Variants in HS6ST2 observed in about 807,000 individuals in gnomAD.
The protein encoded by HS6ST2 is heparan sulfate 6-O-sulfotransferase 2, also known as heparan-sulfate 6-O-sulfotransferase 2.
In HS6ST2, 17 loss-of-function variants were observed where a neutral mutation model predicts 33.0. The ratio of observed to expected loss-of-function variants is 0.52; its 90% CI spans 0.35 to 0.77. The LOEUF is 0.77. HS6ST2 is among the 30% of genes least tolerant of loss of function. The probability of loss-of-function intolerance (pLI) is 0.01; values close to 1 mark genes in which losing one functional copy is unlikely to be tolerated. For missense variants in HS6ST2, 519 were observed against 551.7 expected (o/e 0.94, Z 0.59); for synonymous variants, 248 against 237.1 (o/e 1.05, Z -0.42).
intron 2 of HS6ST2, among the ~76,000 whole-genome samples, chrX:132,883,392 C>T (rs1213958115): frequency 1.8e-5 from 2 of 111,244 alleles, no homozygotes; most frequent in Non-Finnish European, 3.8e-5. Context: ...TCCATTTCTT[C>T]TAGATTTTTG....
intron 3 of HS6ST2, among the ~76,000 whole-genome samples, chrX:132,703,882 T>C (rs1408124980): frequency 8.9e-6 from 1 of 112,010 alleles, no homozygotes; most frequent in Non-Finnish European, 1.9e-5. Context: ...ATTTGTGACA[T>C]GTTGCAGATA....
intron 2 of HS6ST2, among the ~76,000 whole-genome samples, chrX:132,878,864 G>T (rs907157802): frequency 2.7e-5 from 3 of 110,768 alleles, no homozygotes; most frequent in African/African-American, 9.9e-5. Context: ...CGCTTCCCTG[G>T]CACCCTGAGC....
At chrX:132,882,107 G>A (rs2066182989) in intron 2 of HS6ST2, among the ~76,000 whole-genome samples, 2 of 111,497 alleles carry the variant, frequency 1.8e-5, no homozygotes, top group African/African-American at 3.3e-5. Context: ...TGGCGATGCA[G>A]GCTCTTTTTT....
Position 132,839,294 on chromosome X carries a change from A to ACACATATGTATG in HS6ST2, c.947+117513_947+117514insCATACATATGTG, listed in dbSNP as rs2065681866. 1.3e-4 allele frequency among the ~76,000 whole-genome samples: 6 copies of ACACATATGTATG among 44,545 alleles called. No homozygotes were observed. The South Asian group carries it at 4.4e-3, about 33-fold the overall frequency. The allele number at this position is 44,545 out of a possible 115,157, so 38.7% of individuals were successfully genotyped here. ...TGTGTATATATATATATATATATAT[A>ACACATATGTATG]TATATATATATATATATATATACAC... On this transcript the variant is annotated intron_variant, in intron 2 of 4. Coordinates refer to ENST00000370833, the MANE Select transcript of HS6ST2 (RefSeq NM_001394073.1).
At chrX:132,884,385 T>C (rs1210405663) in intron 2 of HS6ST2, among the ~76,000 whole-genome samples, 1 of 112,128 alleles carries the variant, frequency 8.9e-6, no homozygotes, top group Admixed American at 9.5e-5. Context: ...GATGTTATGA[T>C]GTTTTGAGTG....
chrX:132,675,912 C>A (rs2063921100), intron 3 of HS6ST2, among the ~76,000 whole-genome samples: 1 of 110,869 alleles, frequency 9.0e-6, no homozygotes, highest in Non-Finnish European at 1.9e-5. Flanking sequence ...CTCTTAGCAT[C>A]CTTGGTTTTG....
In HS6ST2 at chrX:132,958,578, G is replaced by C. The variant is rs777570717; in HGVS notation, c.25C>G (p.Arg9Gly). 5.1e-6 allele frequency: 6 copies of C among 1,180,217 alleles called. No individual in the cohort carries two copies. Among genetic ancestry groups the C allele is most frequent in the Admixed American group, 2.3e-5 (1 of 42,655 alleles). The stretch of plus-strand genomic sequence containing the variant: ...GGTTGCCGCGGCGGCTCGAACTCCC[G>C]GACTGCACACGCAGGCAGTGCCATT... The part of the protein sequence containing the change: MALPACAV[R>G]EFEPPRQPER... Residue 9 changes from arginine to glycine, a missense_variant, in exon 1 of 5, where the codon CGG (arginine) becomes GGG (glycine). Arg to Gly is a moderately radical substitution (Grantham distance 125, BLOSUM62 -2). Transcript: ENST00000370833.
At chrX:132,729,658 CAGTT>C (rs1198685310) in intron 2 of HS6ST2, among the ~76,000 whole-genome samples, 1 of 111,529 alleles carries the variant, frequency 9.0e-6, no homozygotes, top group Non-Finnish European at 1.9e-5. Context: ...CAATGCCACT[CAGTT>C]ATTTTTTTTT....
intron 2 of HS6ST2, among the ~76,000 whole-genome samples, chrX:132,941,976 T>A: frequency 8.9e-6 from 1 of 111,868 alleles, no homozygotes; most frequent in Non-Finnish European, 1.9e-5. Flanking sequence ...TCATAAATCT[T>A]ATAGTGTGTT....
At chrX:132,637,885 T>A (rs1405955889) in intron 4 of HS6ST2, among the ~76,000 whole-genome samples, 1 of 57,333 alleles carries the variant, frequency 1.7e-5, no homozygotes, top group Non-Finnish European at 2.7e-5. Flanking sequence ...AATATATATA[T>A]AATATTTTAT....
At chrX:132,877,384 G>A (rs1448135551) in intron 2 of HS6ST2, among the ~76,000 whole-genome samples, 2 of 112,199 alleles carry the variant, frequency 1.8e-5, no homozygotes, top group Non-Finnish European at 3.8e-5. Flanking sequence ...ACGTATATTC[G>A]TTCTTCTAAT....
chrX:132,815,081 A>T (rs1437757997), intron 2 of HS6ST2, among the ~76,000 whole-genome samples: 1 of 112,121 alleles, frequency 8.9e-6, no homozygotes, highest in Non-Finnish European at 1.9e-5. Context: ...CTTCTTAGGC[A>T]TTTGAACTCT....
intron 3 of HS6ST2, among the ~76,000 whole-genome samples, chrX:132,683,661 A>G (rs1405564507): frequency 9.0e-6 from 1 of 111,371 alleles, no homozygotes; most frequent in East Asian, 2.8e-4. Context: ...TTGTTCTGAT[A>G]TTTGGGGGCA....
chrX:132,941,800 CT>C lies in HS6ST2; in HGVS notation c.947+15007del, dbSNP rs747038621. 9.3e-4 allele frequency among the ~76,000 whole-genome samples: 100 copies of C among 107,247 alleles called. 1 individual carries two copies. Among genetic ancestry groups the C allele is most frequent in the South Asian group, 4.0e-3 (10 of 2,478 alleles). The allele number at this position is 107,247 out of a possible 115,157, so 93.1% of individuals were successfully genotyped here. A position where few individuals can be genotyped will look rare whatever the true frequency, so the allele number is the denominator to read the frequency against. On this transcript the variant is annotated intron_variant, in intron 2 of 4. Transcript: ENST00000370833. ...TGCTATACTAATGCTAAAATGATCT[CT>C]TTTTTTTTTATTTGCTTAAGTCATA... is the stretch of plus-strand genomic sequence containing the variant.
chrX:132,767,645 C>T (rs765609857), intron 2 of HS6ST2, among the ~76,000 whole-genome samples: 9 of 111,308 alleles, frequency 8.1e-5, no homozygotes, highest in African/African-American at 2.9e-4. Context: ...GTGATCCTCC[C>T]ACCTCGGCCT....
intron 2 of HS6ST2, among the ~76,000 whole-genome samples, chrX:132,723,962 C>A: frequency 9.1e-6 from 1 of 110,249 alleles, no homozygotes; most frequent in Non-Finnish European, 1.9e-5. Flanking sequence ...CAGTGAAACC[C>A]CATCTCTACT....
At position 132,958,528 on chromosome X, in the gene HS6ST2, G is replaced by A. The variant is rs763455522; in HGVS notation, c.75C>T (p.Thr25=). 4.1e-5 allele frequency: 48 copies of A among 1,182,920 alleles called. No individual in the cohort carries two copies. Among genetic ancestry groups the A allele is most frequent in the Non-Finnish European group, 4.9e-5 (43 of 881,797 alleles). ...RQPERGAPVR[T]TCPRRHSRVE... is the part of the protein sequence containing the mutation. ...CTCTGGAATGCCGGCGGGGACAGGT[G>A]GTGCGGACGGGCGCTCCTCGCTCCG... The change falls in exon 1 of 5, where the codon ACC becomes ACT. Residue 25 remains threonine, a synonymous_variant. Coordinates refer to ENST00000370833, the MANE Select transcript of HS6ST2 (RefSeq NM_001394073.1).
chrX:132,761,417 A>G (rs1257045766), intron 2 of HS6ST2, among the ~76,000 whole-genome samples: 1 of 111,009 alleles, frequency 9.0e-6, no homozygotes, highest in Non-Finnish European at 1.9e-5. Context: ...AAACCCCAGG[A>G]GCCCACCCCA....
At chrX:132,711,785 C>A (rs2064232911) in intron 2 of HS6ST2, among the ~76,000 whole-genome samples, 1 of 111,821 alleles carries the variant, frequency 8.9e-6, no homozygotes. Flanking sequence ...CATAGAGTGG[C>A]AGATTCTTTA....
Sources: gnomAD v4.1 joint callset for allele counts (sites outside exome capture counted in the v4.1 genomes callset) on GRCh38, gnomAD v4.1.1 for gene constraint, MANE v1.5 for transcripts, NCBI Gene and HGNC (gene_info 2026-07-23, HGNC 2026-07-21) for gene names.